The following SHISAL2B variants were observed in gnomAD, a reference collection of about 807,000 sequenced individuals.
The protein encoded by SHISAL2B is protein shisa-like-2B.
A neutral mutation model predicts 16.5 loss-of-function variants in SHISAL2B; 12 were observed. The observed-to-expected ratio is 0.73, with a 90% confidence interval of 0.47 to 1.18. SHISAL2B has a LOEUF of 1.18. SHISAL2B is among the 50% of genes most tolerant of loss of function. SHISAL2B has a pLI of 0.00. For missense variants in SHISAL2B, 183 were observed against 193.6 expected (o/e 0.95, Z 0.33); for synonymous variants, 72 against 75.0 (o/e 0.96, Z 0.21).
chr5:64,707,225 A>G (rs1741886337), intron 2 of SHISAL2B, among the ~76,000 whole-genome samples: 1 of 152,162 alleles, frequency 6.6e-6, no homozygotes, highest in South Asian at 2.1e-4. Context: ...ATGAAACTCA[A>G]GGAATCTCAG....
chr5:64,705,507 A>C (rs2112065891), intron 2 of SHISAL2B, among the ~76,000 whole-genome samples: 1 of 152,338 alleles, frequency 6.6e-6, no homozygotes, highest in South Asian at 2.1e-4. Flanking sequence ...AAAAAAAATT[A>C]AAATTTTAGA....
At chr5:64,699,036 A>T (rs1741773729) in intron 2 of SHISAL2B, among the ~76,000 whole-genome samples, 1 of 152,228 alleles carries the variant, frequency 6.6e-6, no homozygotes, top group South Asian at 2.1e-4. Flanking sequence ...TAGCAACAGA[A>T]TTAGTTGGTT....
intron 2 of SHISAL2B, among the ~76,000 whole-genome samples, chr5:64,711,283 G>C (rs1194714837): frequency 9.3e-4 from 135 of 144,490 alleles, no homozygotes; most frequent in East Asian, 4.3e-3. Context: ...TTTTCTGCAT[G>C]TATTGAGATA....
chr5:64,710,080 C>G (rs1741937837), intron 2 of SHISAL2B, among the ~76,000 whole-genome samples: 1 of 145,690 alleles, frequency 6.9e-6, no homozygotes, highest in African/African-American at 2.6e-5. Context: ...GTTGCCATTG[C>G]TTTTGGTGTT....
intron 2 of SHISAL2B, among the ~76,000 whole-genome samples, chr5:64,706,336 G>A (rs1343802259): frequency 6.6e-6 from 1 of 152,206 alleles, no homozygotes; most frequent in African/African-American, 2.4e-5. Flanking sequence ...ATAAACAGTA[G>A]GGGGAGAGGA....
intron 2 of SHISAL2B, among the ~76,000 whole-genome samples, chr5:64,697,628 A>G (rs1035385476): frequency 6.6e-6 from 1 of 152,138 alleles, no homozygotes; most frequent in African/African-American, 2.4e-5. Flanking sequence ...AATATACATT[A>G]TAGATATAAA....
intron 1 of SHISAL2B, among the ~76,000 whole-genome samples, chr5:64,692,396 A>G (rs530910373): frequency 7.2e-5 from 11 of 152,354 alleles, no homozygotes; most frequent in Admixed American, 7.2e-4. Flanking sequence ...CAGTACTGAC[A>G]AAATGGACAG....
At chr5:64,695,391 ACAATTT>A (rs1045967649) in intron 1 of SHISAL2B, 110 bp from the exon 2 acceptor site, 6 of 614,278 alleles carry the variant, frequency 9.8e-6, no homozygotes, top group Non-Finnish European at 1.5e-5. Context: ...ATGCTAAAAT[ACAATTT>A]GGTTATGAAT....
intron 2 of SHISAL2B, among the ~76,000 whole-genome samples, chr5:64,699,270 T>G (rs1486359457): frequency 1.3e-5 from 2 of 152,218 alleles, no homozygotes; most frequent in Non-Finnish European, 2.9e-5. Context: ...ATGAGGTGAT[T>G]TTGGTCTCTT....
chr5:64,698,404 G>T (rs1741767378), intron 2 of SHISAL2B, among the ~76,000 whole-genome samples: 1 of 152,122 alleles, frequency 6.6e-6, no homozygotes, highest in South Asian at 2.1e-4. Flanking sequence ...TTTGTGATCT[G>T]CCCTTTTATT....
intron 2 of SHISAL2B, among the ~76,000 whole-genome samples, chr5:64,696,506 A>G (rs892949155): frequency 3.3e-5 from 5 of 152,312 alleles, no homozygotes; most frequent in Non-Finnish European, 5.9e-5. Flanking sequence ...TGGACCTGCA[A>G]GTAGGGAAGA....
intron 2 of SHISAL2B, among the ~76,000 whole-genome samples, chr5:64,709,032 CT>C (rs141260138): frequency 5.1e-3 from 698 of 136,988 alleles, no homozygotes; most frequent in Admixed American, 7.9e-3. Context: ...AGACATCTTT[CT>C]TTTTTTTTTT....
chr5:64,716,407 CAA>C (rs1324688342), intron 2 of SHISAL2B, among the ~76,000 whole-genome samples: 1 of 152,068 alleles, frequency 6.6e-6, no homozygotes, highest in Non-Finnish European at 1.5e-5. Flanking sequence ...CATTAATGAA[CAA>C]AATAGTCAAA....
chr5:64,708,338 G>A (rs899511450), intron 2 of SHISAL2B, among the ~76,000 whole-genome samples: 3 of 152,114 alleles, frequency 2.0e-5, no homozygotes, highest in African/African-American at 7.2e-5. Flanking sequence ...TTTAGAAAGT[G>A]TGTCAAATAT....
intron 2 of SHISAL2B, among the ~76,000 whole-genome samples, chr5:64,708,685 T>C (rs1554063242): frequency 6.6e-6 from 1 of 152,202 alleles, no homozygotes; most frequent in Non-Finnish European, 1.5e-5. Flanking sequence ...AATACTTTTT[T>C]TATTTCTTAA....
chr5:64,709,618 C>T (rs1244017249), intron 2 of SHISAL2B, among the ~76,000 whole-genome samples: 1 of 150,990 alleles, frequency 6.6e-6, no homozygotes, highest in Non-Finnish European at 1.5e-5. Flanking sequence ...GCCACAGTGA[C>T]TTCCACAATG....
In SHISAL2B at chr5:64,695,560, T is replaced by G; in HGVS notation, c.245T>G (p.Val82Gly). The change falls in exon 2 of 3, where the codon GTC becomes GGC. Residue 82 changes from valine to glycine, a missense_variant. By Grantham distance (109) the Val-to-Gly change is moderately radical. Transcript: ENST00000389074. ...GCTGCCCTTGTTTTACTCGCCTTTG[T>G]CATCAGTGTCTGTGTCCTTTGCTAT... ...GIAALVLLAF[V>G]ISVCVLCYLF... The G allele has an allele frequency of 6.5e-7, 1 of 1,536,920 alleles. No homozygotes were observed. Among genetic ancestry groups the G allele is most frequent in the Non-Finnish European group, 8.7e-7 (1 of 1,146,704 alleles).
intron 2 of SHISAL2B, among the ~76,000 whole-genome samples, chr5:64,708,605 T>A (rs965302984): frequency 1.3e-5 from 2 of 152,174 alleles, no homozygotes; most frequent in Admixed American, 1.3e-4. Flanking sequence ...AAGATATAAT[T>A]TCCATAAACC....
chr5:64,690,698 C>T lies in SHISAL2B; in HGVS notation c.75C>T (p.Pro25=). ...GCTTCGTGGAGCCCTTCCAGTGCCC[C>T]CGGCGCGGCGAGGGGGCAGCGCTCC... ...NQSFVEPFQC[P]RRGEGAALQY... The change falls in exon 1 of 3, where the codon CCC becomes CCT. Residue 25 remains proline, a synonymous_variant. Coordinates refer to ENST00000389074, the MANE Select transcript of SHISAL2B (RefSeq NM_001164442.2). 1.3e-6 allele frequency: 2 copies of T among 1,535,288 alleles called. No individual in the cohort carries two copies. The highest frequency in any genetic ancestry group is 1.7e-6 in the Non-Finnish European group (2 of 1,146,332).
Sources: allele counts gnomAD v4.1 joint callset (sites outside exome capture counted in the v4.1 genomes callset), GRCh38; gene constraint gnomAD v4.1.1; transcripts MANE v1.5; gene names NCBI Gene and HGNC (gene_info 2026-07-23, HGNC 2026-07-21).